PRKCE: variants seen among roughly 807,000 people sequenced by gnomAD.
PRKCE encodes the protein protein kinase C epsilon type.
Under a neutral mutation model 85.4 loss-of-function variants are expected in PRKCE, and 16 were observed. The observed-to-expected ratio is 0.19, with a 90% CI of 0.13 to 0.28. PRKCE has a LOEUF of 0.28. Ranked by LOEUF, PRKCE falls within the 10% of genes least tolerant of loss-of-function variation. The pLI, the probability that PRKCE is intolerant of heterozygous loss-of-function variation, is 1.00. For synonymous variants in PRKCE, 388 were observed against 371.5 expected, an observed-to-expected ratio of 1.04 and a Z score of -0.51; for missense variants, 573 against 975.2, an observed-to-expected ratio of 0.59 and a Z score of 5.49.
At chr2:45,924,476 G>A (rs1698471960) in intron 2 of PRKCE, among the ~76,000 whole-genome samples, 1 of 152,204 alleles carries the variant, frequency 6.6e-6, no homozygotes, top group Admixed American at 6.5e-5. Flanking sequence ...TTCTATGGAG[G>A]CAGGATAACA....
chr2:46,118,370 T>C (rs573107942), intron 11 of PRKCE, among the ~76,000 whole-genome samples: 17 of 152,322 alleles, frequency 1.1e-4, no homozygotes, highest in African/African-American at 3.8e-4. Flanking sequence ...TCTACAATGA[T>C]CTCAAATTGG....
chr2:45,927,475 G>A (rs998014191), intron 2 of PRKCE, among the ~76,000 whole-genome samples: 9 of 152,120 alleles, frequency 5.9e-5, no homozygotes, highest in South Asian at 2.1e-4. Context: ...CTCCCTCCAG[G>A]TCTCATAGTA....
intron 10 of PRKCE, among the ~76,000 whole-genome samples, chr2:46,081,321 A>C (rs1039434282): frequency 3.9e-5 from 6 of 152,154 alleles, no homozygotes; most frequent in African/African-American, 1.4e-4. Context: ...ATAGCCCCCT[A>C]ACCTTTTTTG....
At position 45,769,492 on chromosome 2, in the gene PRKCE, G is replaced by C. The variant is rs139676937; in HGVS notation, c.349-73508G>C. Among the ~76,000 whole-genome samples, 295 of 152,256 alleles carry C rather than the reference G, an allele frequency of 1.9e-3. 3 individuals are homozygous for C. In the Middle Eastern group the frequency reaches 0.031, roughly 16 times the overall value. On this transcript the variant is annotated intron_variant, in intron 1 of 14. Coordinates refer to ENST00000306156, the MANE Select transcript of PRKCE (RefSeq NM_005400.3). Reference sequence around the variant, plus strand: ...CACTCATTCATGCACAATCGCTGGCGAGTAGTTTGAGTAACATGGCATCCA... The same window carrying C: ...CACTCATTCATGCACAATCGCTGGCCAGTAGTTTGAGTAACATGGCATCCA...
At chr2:46,052,852 C>G (rs895873586) in intron 10 of PRKCE, among the ~76,000 whole-genome samples, 1 of 151,170 alleles carries the variant, frequency 6.6e-6, no homozygotes, top group African/African-American at 2.4e-5. Context: ...GAACACTTAA[C>G]CTTTATCATC....
chr2:45,722,836 C>T (rs1311309687), intron 1 of PRKCE, among the ~76,000 whole-genome samples: 3 of 152,328 alleles, frequency 2.0e-5, no homozygotes, highest in South Asian at 4.1e-4. Context: ...CGTGGTGGCT[C>T]ACGCCTGTAA....
intron 2 of PRKCE, among the ~76,000 whole-genome samples, chr2:45,922,985 T>C (rs1174509853): frequency 6.6e-6 from 1 of 152,232 alleles, no homozygotes; most frequent in African/African-American, 2.4e-5. Context: ...TGACGATTAT[T>C]TCCTCAAGAT....
chr2:45,949,881 TTGTTG>T (rs1700507514), intron 2 of PRKCE, among the ~76,000 whole-genome samples: 1 of 113,906 alleles, frequency 8.8e-6, no homozygotes, highest in Admixed American at 8.2e-5. Flanking sequence ...CCTTCATTCT[TTGTTG>T]TTTTTTTTTT....
At chr2:45,963,464 A>G (rs1344503603) in intron 2 of PRKCE, among the ~76,000 whole-genome samples, 2 of 151,904 alleles carry the variant, frequency 1.3e-5, no homozygotes, top group African/African-American at 4.8e-5. Context: ...GTGCGCCACC[A>G]CGCCCGGCTA....
intron 2 of PRKCE, among the ~76,000 whole-genome samples, chr2:45,868,957 CAAAAAA>C (rs58698207): frequency 8.9e-6 from 1 of 112,090 alleles, no homozygotes. Context: ...CATCCTGTCT[CAAAAAA>C]AAAAAAAAAA....
chr2:45,868,913 G>A (rs964076673), intron 2 of PRKCE, among the ~76,000 whole-genome samples: 9 of 150,346 alleles, frequency 6.0e-5, no homozygotes, highest in Admixed American at 3.3e-4. Context: ...AGCCAAGATC[G>A]TGCCACTGCA....
intron 1 of PRKCE, among the ~76,000 whole-genome samples, chr2:45,764,529 G>T (rs559364696): frequency 4.5e-4 from 68 of 152,330 alleles, no homozygotes; most frequent in Non-Finnish European, 7.9e-4. Flanking sequence ...TCTGCAGCTC[G>T]AATGTGTGCA....
At chr2:45,832,554 G>A (rs1055173181) in intron 1 of PRKCE, among the ~76,000 whole-genome samples, 13 of 151,906 alleles carry the variant, frequency 8.6e-5, no homozygotes, top group East Asian at 1.9e-4. Context: ...CTCGTGATCC[G>A]CCCACCTCAG....
At chr2:45,937,617 A>G (rs1699562711) in intron 2 of PRKCE, among the ~76,000 whole-genome samples, 1 of 152,160 alleles carries the variant, frequency 6.6e-6, no homozygotes. Flanking sequence ...CGGGAGGCTG[A>G]GGCAGGAAAA....
rs11893554 is a variant in PRKCE, at chr2:45,825,663, C to T, written c.349-17337C>T. Among the ~76,000 whole-genome samples, 430 of 152,174 alleles carry T rather than the reference C, an allele frequency of 2.8e-3. 4 individuals carry two copies. The highest frequency in any genetic ancestry group is 9.6e-3 in the African/African-American group (400 of 41,514). ...CTTTGGGAGGCCAAGAGAGGAGGAT[C>T]GCTTGAAGCCAGGAGTTCGAGACCA... On this transcript the variant is annotated intron_variant, in intron 1 of 14. Coordinates refer to ENST00000306156, the MANE Select transcript of PRKCE (RefSeq NM_005400.3).
chr2:46,116,694 C>A (rs966474967), intron 11 of PRKCE, among the ~76,000 whole-genome samples: 2 of 152,012 alleles, frequency 1.3e-5, no homozygotes, highest in East Asian at 1.9e-4. Flanking sequence ...TGGCCAGAGA[C>A]GCTAATTCAG....
intron 10 of PRKCE, among the ~76,000 whole-genome samples, chr2:46,057,263 C>T (rs1049713947): frequency 6.6e-6 from 1 of 152,154 alleles, no homozygotes; most frequent in African/African-American, 2.4e-5. Flanking sequence ...AATAATCCCA[C>T]CTGGTGTCAA....
intron 9 of PRKCE, among the ~76,000 whole-genome samples, 159 bp downstream of exon 9, chr2:46,007,820 G>A (rs1162474761): frequency 6.6e-6 from 1 of 152,210 alleles, no homozygotes; most frequent in African/African-American, 2.4e-5. Context: ...AAGTAGATAG[G>A]AGCGCTGGTT....
At chr2:45,874,852 G>A (rs185475577) in intron 2 of PRKCE, among the ~76,000 whole-genome samples, 2 of 152,106 alleles carry the variant, frequency 1.3e-5, no homozygotes, top group African/African-American at 4.8e-5. Flanking sequence ...GGATATTTGG[G>A]AATGAAGTGC....
Sources: gnomAD v4.1 joint callset for allele counts (sites outside exome capture counted in the v4.1 genomes callset) on GRCh38, gnomAD v4.1.1 for gene constraint, MANE v1.5 for transcripts, NCBI Gene and HGNC (gene_info 2026-07-23, HGNC 2026-07-21) for gene names.